FASTKD2: variants seen among roughly 807,000 people sequenced by gnomAD.
FASTKD2 encodes FAST kinase domains 2, also known as FAST kinase domain-containing protein 2, mitochondrial.
A neutral mutation model predicts 63.6 loss-of-function variants in FASTKD2; 51 were observed. The ratio of observed to expected loss-of-function variants is 0.80; its 90% CI spans 0.64 to 1.01. The LOEUF (loss-of-function observed/expected upper bound fraction) is 1.01, where lower values mean the gene tolerates loss of function less well. Among genes scored for constraint, FASTKD2 ranks in the 50% least tolerant of loss-of-function variants. The pLI, the probability that FASTKD2 is intolerant of heterozygous loss-of-function variation, is 0.00. For synonymous variants in FASTKD2, 284 were observed against 293.4 expected, an observed-to-expected ratio of 0.97 and a Z score of 0.33; for missense variants, 786 against 831.1, an observed-to-expected ratio of 0.95 and a Z score of 0.67.
At chr2:206,774,535 C>A in intron 7 of FASTKD2, 138 bp downstream of exon 7, 2 of 645,122 alleles carry the variant, frequency 3.1e-6, no homozygotes, top group Non-Finnish European at 5.3e-6. Context: ...CATAGTGTTC[C>A]TTACTCATTT....
intron 3 of FASTKD2, 80 bp downstream of exon 3, chr2:206,770,274 TA>T: frequency 1.1e-6 from 1 of 932,538 alleles, no homozygotes; most frequent in African/African-American, 1.6e-5. Context: ...AGATGAAAAC[TA>T]AACTCCTTTC....
chr2:206,776,511 A>G (rs1405200933), intron 7 of FASTKD2, among the ~76,000 whole-genome samples: 1 of 152,012 alleles, frequency 6.6e-6, no homozygotes, highest in Non-Finnish European at 1.5e-5. Context: ...TTTAGGTCTT[A>G]TGTTTAAATC....
At chr2:206,784,867 G>A (rs1173161502) in intron 7 of FASTKD2, among the ~76,000 whole-genome samples, 1 of 152,198 alleles carries the variant, frequency 6.6e-6, no homozygotes, top group East Asian at 1.9e-4. Flanking sequence ...CTTGCCAGAG[G>A]ATTCTGTGTA....
rs1029872710 is a variant in FASTKD2 at position 206,775,569 on chromosome 2, G to T, written c.1427+1172G>T. 7.5e-5 allele frequency among the ~76,000 whole-genome samples: 11 copies of T among 146,948 alleles called. No individual in the cohort carries two copies. The South Asian group carries it at 2.3e-3, about 31-fold the overall frequency. ...AGAGATACTGTGCTGTAGTTTTTTT[G>T]TTTGTTTTTTGTTTTTTTTGATGTG... is the stretch of plus-strand genomic sequence containing the variant. On this transcript the variant is annotated intron_variant, in intron 7 of 11. Transcript: ENST00000402774.
chr2:206,792,592 C>A lies in FASTKD2; in HGVS notation c.*790C>A, dbSNP rs1690318670. The A allele has an allele frequency of 6.6e-6, 1 of 152,052 alleles. No individual in the cohort carries two copies. The highest frequency in any genetic ancestry group is 2.4e-5 in the African/African-American group (1 of 41,358). The allele number at this position is 152,052 out of a possible 1,614,324, so 9.4% of individuals were successfully genotyped here. A position where few individuals can be genotyped will look rare whatever the true frequency, so the allele number is the denominator to read the frequency against. ...AAATTCAACTATTTTGTTCAATATG[C>A]CTGTCTACCTAGTATTTGGCTCGCT... is the stretch of plus-strand genomic sequence containing the variant. On this transcript the variant is annotated 3_prime_UTR_variant, in exon 12 of 12. Transcript: ENST00000402774.
At chr2:206,784,254 A>C (rs982670184) in intron 7 of FASTKD2, among the ~76,000 whole-genome samples, 1 of 152,264 alleles carries the variant, frequency 6.6e-6, no homozygotes, top group African/African-American at 2.4e-5. Context: ...AAGGCAGTAC[A>C]TGGTAGGCAC....
At chr2:206,770,395 G>A (rs1424044548) in intron 3 of FASTKD2, among the ~76,000 whole-genome samples, 2 of 152,052 alleles carry the variant, frequency 1.3e-5, no homozygotes, top group Admixed American at 6.5e-5. Context: ...ACTTCTCTTA[G>A]GGTCCATAAT....
intron 6 of FASTKD2, among the ~76,000 whole-genome samples, chr2:206,772,536 T>C (rs1689712494): frequency 6.6e-6 from 1 of 152,220 alleles, no homozygotes. Flanking sequence ...TGACTTAATA[T>C]TTTTTGACTG....
intron 4 of FASTKD2, 90 bp downstream of exon 4, chr2:206,771,380 G>T: frequency 1.3e-6 from 1 of 770,036 alleles, no homozygotes; most frequent in Non-Finnish European, 2.3e-6. Flanking sequence ...TTTCTAGGAG[G>T]ACATTGCTGG....
chr2:206,767,400 T>A lies in FASTKD2; in HGVS notation c.707T>A (p.Leu236His). ...CAGTATAAGTACCTACTGTTCAGTCTTCACGCCATAGTGAAGCTTGGAATC... is the reference window on the plus strand; with the variant it reads ...CAGTATAAGTACCTACTGTTCAGTCATCACGCCATAGTGAAGCTTGGAATC... ...IMQYKYLLFS[L>H]HAIVKLGIPQ... The change falls in exon 2 of 12, where the codon CTT (leucine) becomes CAT (histidine). Residue 236 changes from leucine to histidine, a missense_variant. Transcript: ENST00000402774. 2 of 1,613,852 alleles carry A rather than the reference T, an allele frequency of 1.2e-6. No homozygotes were observed. Among genetic ancestry groups the A allele is most frequent in the South Asian group, 1.1e-5 (1 of 91,084 alleles).
chr2:206,777,249 G>C (rs1202997394), intron 7 of FASTKD2, among the ~76,000 whole-genome samples: 1 of 152,062 alleles, frequency 6.6e-6, no homozygotes, highest in African/African-American at 2.4e-5. Context: ...TCCTTGTCTT[G>C]TTCCTGGTCT....
At chr2:206,790,096 G>A (rs1369040296) in intron 10 of FASTKD2, 1 of 153,734 alleles carries the variant, frequency 6.5e-6, no homozygotes, top group African/African-American at 2.4e-5. Flanking sequence ...TAACAGTCTT[G>A]CCTTTCTCTT....
rs1553599725 is a variant in FASTKD2, at chr2:206,793,248, A to AC, written c.*1446_*1447insC. 0.043 allele frequency among the ~76,000 whole-genome samples: 5,457 copies of AC among 125,758 alleles called. 445 individuals carry two copies. The highest frequency in any genetic ancestry group is 0.067 in the Non-Finnish European group (3,717 of 55,836). The allele number at this position is 125,758 out of a possible 152,430, so 82.5% of individuals were successfully genotyped here. ...AAAAAAAAAAAAAAAAAAAAAAAAA[A>AC]AAATACAAAAACTATAGCAATATGA... On this transcript the variant is annotated 3_prime_UTR_variant, in exon 12 of 12. Coordinates refer to ENST00000402774, the MANE Select transcript of FASTKD2 (RefSeq NM_001136193.2).
chr2:206,794,681 C>G lies in FASTKD2; in HGVS notation c.*2879C>G, dbSNP rs901133375. ...TCAAAAATTGAAAATTTCATATATA[C>G]ATAGCCTAACAACTCTTCTTGTCAT... is the stretch of plus-strand genomic sequence containing the variant. On this transcript the variant is annotated 3_prime_UTR_variant, in exon 12 of 12. Coordinates refer to ENST00000402774, the MANE Select transcript of FASTKD2 (RefSeq NM_001136193.2). 6.6e-6 allele frequency among the ~76,000 whole-genome samples: 1 copy of G among 152,202 alleles called. No individual in the cohort carries two copies. Among genetic ancestry groups the G allele is most frequent in the Non-Finnish European group, 1.5e-5 (1 of 68,042 alleles).
chr2:206,765,618 G>T lies in FASTKD2; in HGVS notation c.-180G>T, dbSNP rs1313464503. On this transcript the variant is annotated 5_prime_UTR_variant, in exon 1 of 12. Coordinates refer to ENST00000402774, the MANE Select transcript of FASTKD2 (RefSeq NM_001136193.2). ...GCAGCTTCTCGGGGAAGCTGTCATG[G>T]CTGCTCCTGTACGTAGTCACGGTCT... 5 of 838,190 alleles carry T rather than the reference G, an allele frequency of 6.0e-6. No homozygotes were observed. The highest frequency in any genetic ancestry group is 4.3e-5 in the South Asian group (1 of 23,202). 51.9% of individuals were successfully genotyped at this position (838,190 alleles called of 1,614,324 possible). A position where few individuals can be genotyped will look rare whatever the true frequency, so the allele number is the denominator to read the frequency against.
At chr2:206,791,345 T>G in intron 11 of FASTKD2, 1 of 286,756 alleles carries the variant, frequency 3.5e-6, no homozygotes, top group Non-Finnish European at 6.6e-6. Flanking sequence ...ACGTGTGGAC[T>G]ATTGAGATTA....
rs1443112211 is a variant in FASTKD2, at chr2:206,771,882, T to G, written c.991-12T>G. 2 of 1,582,748 alleles carry G rather than the reference T, an allele frequency of 1.3e-6. No individual in the cohort carries two copies. The highest frequency in any genetic ancestry group is 1.7e-6 in the Non-Finnish European group (2 of 1,151,740). The stretch of plus-strand genomic sequence containing the variant: ...AGATAGTAAATTAAATTAAAATTTG[T>G]TTTTTCTTTAGATGAAAGCCTTGAG... On this transcript the variant is annotated splice_polypyrimidine_tract_variant and intron_variant, in intron 4 of 11. Coordinates refer to ENST00000402774, the MANE Select transcript of FASTKD2 (RefSeq NM_001136193.2).
intron 7 of FASTKD2, among the ~76,000 whole-genome samples, chr2:206,785,473 C>T (rs1279862964): frequency 1.3e-5 from 2 of 152,046 alleles, no homozygotes; most frequent in Admixed American, 6.5e-5. Context: ...AAGTGAAAGG[C>T]CCTCTATATG....
chr2:206,780,219 T>C (rs1462314516), intron 7 of FASTKD2, among the ~76,000 whole-genome samples: 2 of 152,244 alleles, frequency 1.3e-5, no homozygotes, highest in African/African-American at 2.4e-5. Context: ...TTTTATACTT[T>C]CCTGTGTTTT....
Sources: allele counts gnomAD v4.1 joint callset (sites outside exome capture counted in the v4.1 genomes callset), GRCh38; gene constraint gnomAD v4.1.1; transcripts MANE v1.5; gene names NCBI Gene and HGNC (gene_info 2026-07-23, HGNC 2026-07-21).